HTR2C: variants seen among roughly 807,000 people sequenced by gnomAD.
HTR2C encodes the protein 5-hydroxytryptamine (serotonin) receptor 2C, G protein-coupled.
Under a neutral mutation model 21.0 loss-of-function variants are expected in HTR2C, and 5 were observed. That is an observed-to-expected ratio of 0.24 (90% CI 0.12 to 0.50). The LOEUF (loss-of-function observed/expected upper bound fraction) is 0.50. Among genes scored for constraint, HTR2C ranks in the 20% least tolerant of loss-of-function variants. HTR2C has a pLI of 0.98. For missense variants in HTR2C, 271 were observed against 371.2 expected (o/e 0.73, Z 2.22); for synonymous variants, 150 against 145.3 (o/e 1.03, Z -0.23).
At chrX:114,872,135 A>G (rs1296778384) in intron 5 of HTR2C, among the ~76,000 whole-genome samples, 3 of 110,379 alleles carry the variant, frequency 2.7e-5, no homozygotes, top group African/African-American at 9.9e-5. Context: ...CCAGTACCCA[A>G]TTGTTATCTT....
At chrX:114,651,869 G>C (rs1432824331) in intron 2 of HTR2C, among the ~76,000 whole-genome samples, 3 of 111,652 alleles carry the variant, frequency 2.7e-5, no homozygotes, top group African/African-American at 9.7e-5. Flanking sequence ...TTAGCTTTCA[G>C]TAGCAGTTAG....
intron 2 of HTR2C, among the ~76,000 whole-genome samples, chrX:114,675,796 G>C (rs1463322144): frequency 5.4e-5 from 6 of 110,954 alleles, no homozygotes; most frequent in African/African-American, 1.9e-4. Flanking sequence ...AGTAATGGCA[G>C]TTGCCAAAGA....
rs868989304 is a variant in HTR2C, at chrX:114,722,094, T to C, written c.-79-4764T>C. Among the ~76,000 whole-genome samples the C allele has an allele frequency of 1.5e-4, 16 of 110,267 alleles. No individual in the cohort carries two copies. The Middle Eastern group carries it at 0.028, about 191-fold the overall frequency. ...CTTGATGGGGATGGCATTGAATCTGTAAATTACCTTGGGCAGTATGGCCAT... is the reference window on the plus strand; with the variant it reads ...CTTGATGGGGATGGCATTGAATCTGCAAATTACCTTGGGCAGTATGGCCAT... On this transcript the variant is annotated intron_variant, in intron 2 of 5. Coordinates refer to ENST00000276198, the MANE Select transcript of HTR2C (RefSeq NM_000868.4).
intron 4 of HTR2C, among the ~76,000 whole-genome samples, chrX:114,771,432 A>G (rs2070002350): frequency 8.9e-6 from 1 of 111,960 alleles, no homozygotes; most frequent in Admixed American, 9.5e-5. Flanking sequence ...GTTAAATGCT[A>G]TGAGCCAGTT....
intron 1 of HTR2C, among the ~76,000 whole-genome samples, chrX:114,590,236 A>G (rs1368817315): frequency 2.7e-5 from 3 of 112,222 alleles, no homozygotes; most frequent in Non-Finnish European, 3.8e-5. Context: ...AATTCTAAAT[A>G]TGATTAAAGT....
chrX:114,765,858 C>T (rs2069942691), intron 4 of HTR2C, among the ~76,000 whole-genome samples: 1 of 111,435 alleles, frequency 9.0e-6, no homozygotes, highest in African/African-American at 3.3e-5. Context: ...ACTCTATTAA[C>T]ACCTGCCTAA....
chrX:114,829,733 G>A (rs1556459909), intron 4 of HTR2C, among the ~76,000 whole-genome samples: 1 of 111,523 alleles, frequency 9.0e-6, no homozygotes, highest in Non-Finnish European at 1.9e-5. Flanking sequence ...TTGTTGAAGG[G>A]ACTGTTGTTT....
At chrX:114,731,984 C>T (rs782353414) in intron 4 of HTR2C, among the ~76,000 whole-genome samples, 77 of 111,319 alleles carry the variant, frequency 6.9e-4, no homozygotes, top group African/African-American at 2.3e-3. Context: ...AAGGAAAAAC[C>T]GGCTCATCCT....
chrX:114,722,421 C>A (rs1556420898), intron 2 of HTR2C, among the ~76,000 whole-genome samples: 3 of 110,871 alleles, frequency 2.7e-5, no homozygotes, highest in African/African-American at 9.9e-5. Flanking sequence ...GGGGCTGAGA[C>A]AATGGGGTTT....
At chrX:114,784,137 C>A in intron 4 of HTR2C, among the ~76,000 whole-genome samples, 1 of 94,756 alleles carries the variant, frequency 1.1e-5, no homozygotes, top group South Asian at 4.8e-4. Flanking sequence ...CATTGGTTCT[C>A]TGAAAAAAAA....
chrX:114,784,880 A>G (rs1206064959), intron 4 of HTR2C, among the ~76,000 whole-genome samples: 8 of 110,653 alleles, frequency 7.2e-5, no homozygotes, highest in African/African-American at 2.6e-4. Flanking sequence ...CGGCCTCCCA[A>G]AGTGCTGGGA....
At chrX:114,812,087 C>A (rs1556452874) in intron 4 of HTR2C, among the ~76,000 whole-genome samples, 2 of 109,904 alleles carry the variant, frequency 1.8e-5, no homozygotes, top group African/African-American at 6.7e-5. Context: ...TCCTAAAGCT[C>A]TCTCTCCCCC....
At chrX:114,905,205 G>T (rs1217191851) in intron 5 of HTR2C, among the ~76,000 whole-genome samples, 2 of 110,998 alleles carry the variant, frequency 1.8e-5, no homozygotes, top group Non-Finnish European at 3.8e-5. Context: ...GGGAAGTCTT[G>T]TCATATCTGT....
intron 5 of HTR2C, among the ~76,000 whole-genome samples, chrX:114,850,811 T>A (rs1288736689): frequency 9.0e-6 from 1 of 111,601 alleles, no homozygotes; most frequent in Non-Finnish European, 1.9e-5. Flanking sequence ...TCTAAGACTG[T>A]CATATAGGCT....
intron 2 of HTR2C, among the ~76,000 whole-genome samples, chrX:114,617,317 G>C (rs1238310637): frequency 9.0e-6 from 1 of 111,702 alleles, no homozygotes; most frequent in East Asian, 2.8e-4. Flanking sequence ...GTGCAAACCT[G>C]TAGTTCTAGC....
chrX:114,612,934 TA>T (rs1928799562), intron 1 of HTR2C, among the ~76,000 whole-genome samples: 1 of 108,570 alleles, frequency 9.2e-6, no homozygotes, highest in African/African-American at 3.5e-5. Flanking sequence ...TATTTTATTT[TA>T]TTTTATTTTA....
intron 2 of HTR2C, among the ~76,000 whole-genome samples, chrX:114,631,653 C>T (rs1929632293): frequency 9.0e-6 from 1 of 111,477 alleles, no homozygotes; most frequent in African/African-American, 3.3e-5. Context: ...TGTATTTGCC[C>T]CACATTTCTA....
At chrX:114,773,674 C>T (rs1225645237) in intron 4 of HTR2C, among the ~76,000 whole-genome samples, 3 of 112,023 alleles carry the variant, frequency 2.7e-5, no homozygotes, top group African/African-American at 9.7e-5. Flanking sequence ...TTTTGTATTA[C>T]ATATTTTAGT....
chrX:114,906,009 C>T (rs956015431), intron 5 of HTR2C, among the ~76,000 whole-genome samples: 4 of 111,278 alleles, frequency 3.6e-5, no homozygotes, highest in Non-Finnish European at 7.5e-5. Flanking sequence ...AACAAACAAA[C>T]AAAAACCCTT....
Sources: gnomAD v4.1 joint callset for allele counts (sites outside exome capture counted in the v4.1 genomes callset) on GRCh38, gnomAD v4.1.1 for gene constraint, MANE v1.5 for transcripts, NCBI Gene and HGNC (gene_info 2026-07-23, HGNC 2026-07-21) for gene names.